RMND5A: variants seen among roughly 807,000 people sequenced by gnomAD.
RMND5A encodes E3 ubiquitin-protein transferase RMND5A.
Under a neutral mutation model 49.7 loss-of-function variants are expected in RMND5A, and 17 were observed. The ratio of observed to expected loss-of-function variants is 0.34; its 90% confidence interval spans 0.23 to 0.51. The LOEUF is 0.51. Among genes scored for constraint, RMND5A ranks in the 20% least tolerant of loss-of-function variants. The probability of loss-of-function intolerance (pLI) is 0.96; values close to 1 mark genes in which losing one functional copy is unlikely to be tolerated. For missense variants in RMND5A, 255 were observed against 471.3 expected (o/e 0.54, Z 4.25); for synonymous variants, 156 against 167.7 (o/e 0.93, Z 0.54).
intron 1 of RMND5A, among the ~76,000 whole-genome samples, chr2:86,726,015 T>C (rs1246042789): frequency 1.3e-5 from 1 of 78,656 alleles, no homozygotes; most frequent in Non-Finnish European, 2.7e-5. Context: ...TTTTTAAAAA[T>C]GTGAAGGTAA....
At chr2:86,763,192 GTAGT>G (rs76228812) in intron 4 of RMND5A, among the ~76,000 whole-genome samples, 84,505 of 151,252 alleles carry the variant, frequency 0.56, 25,337 homozygotes, top group East Asian at 0.8. Flanking sequence ...ATTAAAATTT[GTAGT>G]TACTCTATTA....
chr2:86,760,585 T>C (rs377113226), intron 4 of RMND5A, among the ~76,000 whole-genome samples: 138 of 152,346 alleles, frequency 9.1e-4, no homozygotes, highest in African/African-American at 3.1e-3. Context: ...CACTTCGCTC[T>C]TGATCACTGC....
intron 4 of RMND5A, among the ~76,000 whole-genome samples, chr2:86,758,201 C>G (rs1573440572): frequency 6.6e-6 from 1 of 152,310 alleles, no homozygotes; most frequent in Non-Finnish European, 1.5e-5. Flanking sequence ...AATCTCCCCA[C>G]CTTTGCCTTC....
chr2:86,750,476 T>G (rs1681614803), intron 2 of RMND5A, among the ~76,000 whole-genome samples: 1 of 147,780 alleles, frequency 6.8e-6, no homozygotes, highest in Non-Finnish European at 1.5e-5. Context: ...CTGTAGTCAT[T>G]TGAATCATGG....
chr2:86,770,049 C>G lies in RMND5A; in HGVS notation c.881C>G (p.Pro294Arg). 6.2e-7 allele frequency: 1 copy of G among 1,613,916 alleles called. No homozygotes were observed. The highest frequency in any genetic ancestry group is 8.5e-7 in the Non-Finnish European group (1 of 1,179,874). Reference protein sequence around the residue: ...VSFSAGCVALPALINIKAVIE... With the variant: ...VSFSAGCVALRALINIKAVIE... ...TTCTCAGCAGGTTGTGTGGCGCTGCCAGCTTTAATTAACATCAAAGCCGTG... is the reference window on the plus strand; with the variant it reads ...TTCTCAGCAGGTTGTGTGGCGCTGCGAGCTTTAATTAACATCAAAGCCGTG... The change falls in exon 7 of 9, where the codon CCA becomes CGA. Residue 294 changes from proline (P) to arginine (R), a missense_variant. This residue lies in a region of RMND5A where 208 missense variants were observed against 339.8 expected (regional missense o/e 0.61). Coordinates refer to ENST00000283632, the MANE Select transcript of RMND5A (RefSeq NM_022780.4).
rs1672778458 is a variant in RMND5A at position 86,776,808 on chromosome 2, C to G, written c.*3397C>G. 3.9e-5 allele frequency: 6 copies of G among 152,126 alleles called. No homozygotes were observed. The South Asian group carries it at 1.2e-3, about 31-fold the overall frequency. 9.4% of individuals were successfully genotyped at this position (152,126 alleles called of 1,614,324 possible). A position where few individuals can be genotyped will look rare whatever the true frequency, so the allele number is the denominator to read the frequency against. Reference sequence around the variant, plus strand: ...CACTAGGATGTATAAGGTGACGACACAAACCAAATACCTTTCTTTCATCAC... The same window carrying G: ...CACTAGGATGTATAAGGTGACGACAGAAACCAAATACCTTTCTTTCATCAC... On this transcript the variant is annotated 3_prime_UTR_variant, in exon 9 of 9. Coordinates refer to ENST00000283632, the MANE Select transcript of RMND5A (RefSeq NM_022780.4).
rs1240442508 is a variant in RMND5A at position 86,775,829 on chromosome 2, A to T, written c.*2418A>T. On this transcript the variant is annotated 3_prime_UTR_variant, in exon 9 of 9. Transcript: ENST00000283632. Reference sequence around the variant, plus strand: ...GGTGGATTTAAAGAGGCCAGACCTTAACCAAAGATGCTGAGATACAGCATT... The same window carrying T: ...GGTGGATTTAAAGAGGCCAGACCTTTACCAAAGATGCTGAGATACAGCATT... 1 of 152,214 alleles carries T rather than the reference A, an allele frequency of 6.6e-6. No homozygotes were observed. The highest frequency in any genetic ancestry group is 1.5e-5 in the Non-Finnish European group (1 of 68,044). The allele number at this position is 152,214 out of a possible 1,614,324, so 9.4% of individuals were successfully genotyped here.
At chr2:86,761,452 G>T (rs969774819) in intron 4 of RMND5A, among the ~76,000 whole-genome samples, 3 of 152,170 alleles carry the variant, frequency 2.0e-5, no homozygotes, top group African/African-American at 7.2e-5. Context: ...AATCCTGGAG[G>T]TATAAGAGAG....
intron 3 of RMND5A, among the ~76,000 whole-genome samples, 193 bp from the exon 4 acceptor site, chr2:86,753,265 A>G (rs1420557971): frequency 6.6e-6 from 1 of 152,144 alleles, no homozygotes; most frequent in Admixed American, 6.5e-5. Context: ...TTGCTTATGT[A>G]CCCTGCTGAA....
intron 2 of RMND5A, among the ~76,000 whole-genome samples, chr2:86,749,170 G>A (rs147263896): frequency 5.9e-5 from 9 of 152,232 alleles, no homozygotes; most frequent in African/African-American, 9.6e-5. Context: ...TACCATCTCC[G>A]GTGTTGTAGT....
intron 1 of RMND5A, among the ~76,000 whole-genome samples, chr2:86,721,344 G>C (rs993321915): frequency 1.3e-5 from 2 of 151,888 alleles, no homozygotes; most frequent in Admixed American, 6.6e-5. Context: ...CTTAGCTGTG[G>C]GTTAACAACA....
At chr2:86,769,132 A>G (rs1161106720) in intron 6 of RMND5A, among the ~76,000 whole-genome samples, 1 of 152,034 alleles carries the variant, frequency 6.6e-6, no homozygotes, top group African/African-American at 2.4e-5. Context: ...TTTTGTAGAG[A>G]CGGGGGTCTC....
intron 1 of RMND5A, among the ~76,000 whole-genome samples, chr2:86,738,507 C>A (rs1303566163): frequency 6.6e-5 from 3 of 45,372 alleles, no homozygotes; most frequent in Non-Finnish European, 1.3e-4. Flanking sequence ...TGTGCCACTG[C>A]ACTCCAGTGT....
chr2:86,762,693 TATATATCATATATATC>T (rs1203120763), intron 4 of RMND5A, among the ~76,000 whole-genome samples: 89 of 5,526 alleles, frequency 0.016, 1 homozygote, highest in East Asian at 0.16. Context: ...ATATATATCA[TATATATCATATATATC>T]ATATATATCA....
rs980616005 is a variant in RMND5A at position 86,775,065 on chromosome 2, T to G, written c.*1654T>G. The G allele has an allele frequency of 7.9e-5, 12 of 152,652 alleles. No individual in the cohort carries two copies. The highest frequency in any genetic ancestry group is 2.9e-4 in the African/African-American group (12 of 41,444). 9.5% of individuals were successfully genotyped at this position (152,652 alleles called of 1,614,324 possible). On this transcript the variant is annotated 3_prime_UTR_variant, in exon 9 of 9. Transcript: ENST00000283632. ...CACCAGCGGTTGGGATTGGCCCAGC[T>G]TGGAGTGCTTGTGTGGTCCAACCTC...
intron 4 of RMND5A, among the ~76,000 whole-genome samples, chr2:86,761,645 T>A (rs1672490518): frequency 6.6e-6 from 1 of 152,236 alleles, no homozygotes; most frequent in African/African-American, 2.4e-5. Context: ...AGAAGTTAAA[T>A]GAGGACAGTA....
At chr2:86,744,902 C>T (rs1210882190) in intron 2 of RMND5A, among the ~76,000 whole-genome samples, 3 of 151,980 alleles carry the variant, frequency 2.0e-5, no homozygotes, top group Non-Finnish European at 4.4e-5. Flanking sequence ...GCAGTGTTGC[C>T]CAGGATAGTC....
intron 6 of RMND5A, among the ~76,000 whole-genome samples, chr2:86,769,366 G>A (rs533152735): frequency 1.9e-4 from 29 of 152,318 alleles, no homozygotes; most frequent in East Asian, 3.9e-4. Flanking sequence ...TCTAATTAGC[G>A]TATACCTTGG....
chr2:86,766,578 C>T (rs760337781), intron 6 of RMND5A, among the ~76,000 whole-genome samples: 10 of 149,410 alleles, frequency 6.7e-5, no homozygotes, highest in African/African-American at 1.5e-4. Context: ...GCAGAAGAAT[C>T]GCTTGAACCC....
Sources: allele counts gnomAD v4.1 joint callset (sites outside exome capture counted in the v4.1 genomes callset), GRCh38; gene constraint gnomAD v4.1.1; regional missense constraint gnomAD v4.1.1; transcripts MANE v1.5; gene names NCBI Gene and HGNC (gene_info 2026-07-23, HGNC 2026-07-21).